ADAMTS6: variants seen among roughly 807,000 people sequenced by gnomAD.
ADAMTS6 encodes the protein A disintegrin and metalloproteinase with thrombospondin motifs 6.
Under a neutral mutation model 144.3 loss-of-function variants are expected in ADAMTS6, and 23 were observed. The observed-to-expected ratio is 0.16, with a 90% CI of 0.11 to 0.23. The LOEUF (loss-of-function observed/expected upper bound fraction) is 0.23. ADAMTS6 is among the 10% of genes least tolerant of loss of function. The pLI, the probability that ADAMTS6 is intolerant of heterozygous loss-of-function variation, is 1.00. For missense variants in ADAMTS6, 999 were observed against 1,379.6 expected (o/e 0.72, Z 4.37); for synonymous variants, 444 against 457.5 (o/e 0.97, Z 0.38).
chr5:65,159,152 T>C (rs897774982), intron 24 of ADAMTS6, among the ~76,000 whole-genome samples: 9 of 152,012 alleles, frequency 5.9e-5, no homozygotes, highest in Non-Finnish European at 1.3e-4. Flanking sequence ...TTTATTATTT[T>C]CCCCCCAGTT....
intron 10 of ADAMTS6, among the ~76,000 whole-genome samples, chr5:65,295,194 G>T (rs1357632126): frequency 6.6e-6 from 1 of 151,864 alleles, no homozygotes; most frequent in Non-Finnish European, 1.5e-5. Flanking sequence ...ATGTCTCCTG[G>T]TATAAATGTG....
chr5:65,197,670 A>C (rs146046401), intron 20 of ADAMTS6, among the ~76,000 whole-genome samples: 2 of 152,286 alleles, frequency 1.3e-5, no homozygotes, highest in African/African-American at 2.4e-5. Context: ...TTATATATTT[A>C]TCTCTCTAAA....
chr5:65,460,440 C>T (rs1012654012), intron 3 of ADAMTS6, 102 bp from the exon 4 acceptor site: 1 of 1,103,608 alleles, frequency 9.1e-7, no homozygotes, highest in Non-Finnish European at 1.3e-6. Flanking sequence ...TCTCCATTTA[C>T]AGGGTTAAAA....
chr5:65,273,452 G>A lies in ADAMTS6; in HGVS notation c.1513-5C>T, dbSNP rs768944462. On this transcript the variant is annotated splice_polypyrimidine_tract_variant and splice_region_variant and intron_variant, in intron 11 of 24. Coordinates refer to ENST00000381055, the MANE Select transcript of ADAMTS6 (RefSeq NM_197941.4). ...CCAGAGCTCTCTACACACTTCCTAG[G>A]AAAGAAGGCAAAAGCAAGTTGATCA... The A allele has an allele frequency of 6.2e-7, 1 of 1,610,108 alleles. No homozygotes were observed. The highest frequency in any genetic ancestry group is 8.5e-7 in the Non-Finnish European group (1 of 1,176,918).
chr5:65,422,951 T>C (rs984492762), intron 7 of ADAMTS6, among the ~76,000 whole-genome samples: 2 of 150,418 alleles, frequency 1.3e-5, no homozygotes, highest in Non-Finnish European at 3.0e-5. Flanking sequence ...TATATACACA[T>C]ACACACACAC....
intron 12 of ADAMTS6, among the ~76,000 whole-genome samples, chr5:65,270,078 G>A (rs545681367): frequency 1.6e-4 from 24 of 152,198 alleles, no homozygotes; most frequent in Non-Finnish European, 3.1e-4. Flanking sequence ...GTAGGCATAA[G>A]CCACCAGGCC....
At chr5:65,375,898 T>C (rs113836263) in intron 7 of ADAMTS6, among the ~76,000 whole-genome samples, 8 of 152,300 alleles carry the variant, frequency 5.3e-5, no homozygotes, top group African/African-American at 1.9e-4. Flanking sequence ...TAAGAAAATG[T>C]GGCACATATA....
At chr5:65,294,522 C>G (rs1349041819) in intron 10 of ADAMTS6, among the ~76,000 whole-genome samples, 1 of 152,138 alleles carries the variant, frequency 6.6e-6, no homozygotes, top group Non-Finnish European at 1.5e-5. Flanking sequence ...TATTTTAATT[C>G]TTAACTAAGG....
intron 7 of ADAMTS6, among the ~76,000 whole-genome samples, chr5:65,412,294 C>T (rs1755115037): frequency 6.6e-6 from 1 of 152,056 alleles, no homozygotes; most frequent in Non-Finnish European, 1.5e-5. Flanking sequence ...ATGACTAAGA[C>T]TAATGCAAAG....
chr5:65,434,291 G>A (rs748388414), intron 7 of ADAMTS6, among the ~76,000 whole-genome samples: 9 of 152,144 alleles, frequency 5.9e-5, no homozygotes, highest in Non-Finnish European at 1.0e-4. Flanking sequence ...TCATTTTGGG[G>A]TGAGGAAGAT....
chr5:65,359,944 C>T (rs75956499), intron 7 of ADAMTS6, among the ~76,000 whole-genome samples: 6,818 of 152,176 alleles, frequency 0.045, 296 homozygotes, highest in African/African-American at 0.11. Flanking sequence ...GTGACTATAG[C>T]TGATAATAAT....
intron 9 of ADAMTS6, among the ~76,000 whole-genome samples, chr5:65,325,857 TAAATGAGTTAAGCC>T (rs1746116039): frequency 6.6e-6 from 1 of 152,174 alleles, no homozygotes. Context: ...TCATGATTAA[TAAATGAGTTAAGCC>T]ACACCTAAAC....
intron 23 of ADAMTS6, among the ~76,000 whole-genome samples, chr5:65,172,419 A>G (rs970503239): frequency 7.3e-6 from 1 of 136,616 alleles, no homozygotes; most frequent in African/African-American, 3.1e-5. Flanking sequence ...ATCTCAAAAG[A>G]AAAAAAAAAA....
At chr5:65,301,363 G>A (rs556997388) in intron 9 of ADAMTS6, among the ~76,000 whole-genome samples, 9 of 151,964 alleles carry the variant, frequency 5.9e-5, no homozygotes, top group African/African-American at 1.2e-4. Context: ...ACCATGATAC[G>A]TGTTCAAGAA....
intron 7 of ADAMTS6, among the ~76,000 whole-genome samples, chr5:65,369,813 T>C (rs1423306193): frequency 6.6e-6 from 1 of 152,194 alleles, no homozygotes; most frequent in East Asian, 1.9e-4. Flanking sequence ...TCCATATTGA[T>C]ACATTTTCTC....
intron 11 of ADAMTS6, among the ~76,000 whole-genome samples, chr5:65,287,616 C>T (rs965321382): frequency 6.6e-6 from 1 of 152,086 alleles, no homozygotes; most frequent in African/African-American, 2.4e-5. Context: ...CTGCAACCCC[C>T]GCCTCCTGGG....
chr5:65,472,598 A>T (rs1023640905), intron 2 of ADAMTS6, among the ~76,000 whole-genome samples: 66 of 152,188 alleles, frequency 4.3e-4, no homozygotes, highest in African/African-American at 1.5e-3. Flanking sequence ...AACATTTTCC[A>T]TCTACCTTCT....
rs1027887046 is a variant in ADAMTS6, at chr5:65,224,191, T to G, written c.2272+129A>C. 21 of 730,320 alleles carry G rather than the reference T, an allele frequency of 2.9e-5. 1 individual carries two copies. The African/African-American group carries it at 3.5e-4, about 12-fold the overall frequency. The allele number at this position is 730,320 out of a possible 1,614,324, so 45.2% of individuals were successfully genotyped here. On this transcript the variant is annotated intron_variant, in intron 18 of 24. Coordinates refer to ENST00000381055, the MANE Select transcript of ADAMTS6 (RefSeq NM_197941.4). ...CATTGTATATGTGTTCTATAAAACT[T>G]AGAGCTTACTTCATTTTAGCATGAA... is the stretch of plus-strand genomic sequence containing the variant.
rs142582006 is a variant in ADAMTS6, at chr5:65,164,078, G to A, written c.3244+6539C>T. On this transcript the variant is annotated intron_variant, in intron 24 of 24. Coordinates refer to ENST00000381055, the MANE Select transcript of ADAMTS6 (RefSeq NM_197941.4). ...CTGGTCAACAGCTCCCAGCGTGAGC[G>A]ACGCAGAAGACGGGTGATTTCTGCA... Among the ~76,000 whole-genome samples the A allele has an allele frequency of 1.4e-3, 207 of 152,292 alleles. 3 individuals carry two copies. In the East Asian group the frequency reaches 0.036, roughly 27 times the overall value.
Sources: gnomAD v4.1 joint callset for allele counts (sites outside exome capture counted in the v4.1 genomes callset) on GRCh38, gnomAD v4.1.1 for gene constraint, MANE v1.5 for transcripts, NCBI Gene and HGNC (gene_info 2026-07-23, HGNC 2026-07-21) for gene names.